Variants in LRRK1 observed in about 807,000 individuals in gnomAD.
LRRK1 encodes leucine rich repeat kinase 1, also known as leucine-rich repeat serine/threonine-protein kinase 1.
In LRRK1, 113 loss-of-function variants were observed where a neutral mutation model predicts 209.1. That is an observed-to-expected ratio of 0.54 (90% CI 0.46 to 0.63). The LOEUF (loss-of-function observed/expected upper bound fraction) is 0.63, where lower values mean the gene tolerates loss of function less well. Ranked by LOEUF, LRRK1 falls within the 30% of genes least tolerant of loss-of-function variation. LRRK1 has a pLI of 0.00. For synonymous variants in LRRK1, 1,144 were observed against 1,099.7 expected (o/e 1.04, Z -0.80); for missense variants, 2,284 against 2,632.2 (o/e 0.87, Z 2.89).
At chr15:101,028,043 G>T (rs537819619) in intron 19 of LRRK1, among the ~76,000 whole-genome samples, 1 of 152,198 alleles carries the variant, frequency 6.6e-6, no homozygotes, top group Non-Finnish European at 1.5e-5. Flanking sequence ...ATGGACTGGC[G>T]CCTGCCCTCC....
rs144402310 is a variant in LRRK1 at position 101,026,910 on chromosome 15, G to T, written c.2406-351G>T. On this transcript the variant is annotated intron_variant, in intron 17 of 33. Coordinates refer to ENST00000388948, the MANE Select transcript of LRRK1 (RefSeq NM_024652.6). Reference sequence around the variant, plus strand: ...GCTTTGCCCTTGAGAAAGTCCCATGGGGTCTGTGATAAGAGGAGTCCTGGC... The same window carrying T: ...GCTTTGCCCTTGAGAAAGTCCCATGTGGTCTGTGATAAGAGGAGTCCTGGC... 5.3e-5 allele frequency among the ~76,000 whole-genome samples: 8 copies of T among 152,262 alleles called. No individual in the cohort carries two copies. The East Asian group carries it at 1.5e-3, about 29-fold the overall frequency.
chr15:101,053,335 C>G lies in LRRK1; in HGVS notation c.3969C>G (p.Ile1323Met). ...AGCACCCCTGCATCGTGGCGCTCAT[C>G]GGCATCAGCATCCACCCGCTCTGCT... Reference protein sequence around the residue: ...ALQHPCIVALIGISIHPLCFA... With the variant: ...ALQHPCIVALMGISIHPLCFA... The change falls in exon 26 of 34, where the codon ATC (isoleucine) becomes ATG (methionine). Residue 1323 changes from isoleucine (I) to methionine (M), a missense_variant. Transcript: ENST00000388948. 1 of 1,604,094 alleles carries G rather than the reference C, an allele frequency of 6.2e-7. No homozygotes were observed.
At chr15:100,988,466 A>T (rs1567217466) in intron 4 of LRRK1, 168 bp from the exon 5 acceptor site, 1 of 696,206 alleles carries the variant, frequency 1.4e-6, no homozygotes, top group African/African-American at 1.8e-5. Flanking sequence ...TGATGCTGCA[A>T]AGTACATGAT....
intron 2 of LRRK1, among the ~76,000 whole-genome samples, chr15:100,951,065 C>T (rs773402457): frequency 2.1e-4 from 32 of 152,260 alleles, no homozygotes; most frequent in Admixed American, 3.9e-4. Flanking sequence ...GTTGCGCCAC[C>T]GCACTCCAGC....
intron 9 of LRRK1, among the ~76,000 whole-genome samples, chr15:101,011,700 G>A (rs1259287850): frequency 6.6e-6 from 1 of 152,110 alleles, no homozygotes; most frequent in Non-Finnish European, 1.5e-5. Context: ...GGGGAAACCA[G>A]CTTCTCTCTC....
Position 101,065,717 on chromosome 15 carries a change from C to G in LRRK1, c.5280C>G (p.Ser1760=), listed in dbSNP as rs199530216. The G allele has an allele frequency of 4.3e-5, 70 of 1,614,134 alleles. No homozygotes were observed. The African/African-American group carries it at 8.1e-4, about 19-fold the overall frequency. ...VVWCLDDKAN[S]LVMYHSTTYQ... is the part of the protein sequence containing the mutation. ...GGTGCCTGGATGACAAGGCCAACTC[C>G]TTGGTGATGTACCACTCCACCACCT... The change falls in exon 32 of 34, where the codon TCC becomes TCG. Residue 1760 remains serine (S), a synonymous_variant. Coordinates refer to ENST00000388948, the MANE Select transcript of LRRK1 (RefSeq NM_024652.6).
At chr15:101,061,000 T>A (rs2036142030) in intron 29 of LRRK1, among the ~76,000 whole-genome samples, 171 bp from the exon 30 acceptor site, 1 of 152,120 alleles carries the variant, frequency 6.6e-6, no homozygotes, top group Non-Finnish European at 1.5e-5. Context: ...CGGGCGACGG[T>A]CAAGCATTAC....
chr15:101,026,995 G>A (rs2034061052), intron 17 of LRRK1, among the ~76,000 whole-genome samples: 1 of 152,128 alleles, frequency 6.6e-6, no homozygotes, highest in Admixed American at 6.5e-5. Context: ...CTGTACCCTT[G>A]GGGGTCTCGG....
chr15:100,919,524 C>T lies in LRRK1; in HGVS notation c.-123+73C>T, dbSNP rs1472650638. 3 of 147,006 alleles carry T rather than the reference C, an allele frequency of 2.0e-5. No homozygotes were observed. The highest frequency in any genetic ancestry group is 7.3e-5 in the African/African-American group (3 of 40,886). The allele number at this position is 147,006 out of a possible 1,614,324, so 9.1% of individuals were successfully genotyped here. The stretch of plus-strand genomic sequence containing the variant: ...GGCCCCGCCCGGGGAACCCAGAGCC[C>T]GCGCCCGGCGCCCGCGGGGAGCCTC... On this transcript the variant is annotated intron_variant, in intron 1 of 33. Transcript: ENST00000388948. The surrounding 1 kb of genome is among the most constrained non-coding windows in gnomAD (Gnocchi z 5.8).
At chr15:101,023,569 G>C (rs1238824614) in intron 15 of LRRK1, among the ~76,000 whole-genome samples, 1 of 152,146 alleles carries the variant, frequency 6.6e-6, no homozygotes, top group East Asian at 1.9e-4. Context: ...GCCACCCTGT[G>C]ATTCCTCGGG....
At chr15:100,932,533 GC>G (rs1173880836) in intron 2 of LRRK1, among the ~76,000 whole-genome samples, 1 of 152,060 alleles carries the variant, frequency 6.6e-6, no homozygotes, top group Non-Finnish European at 1.5e-5. Flanking sequence ...TACTGCATAT[GC>G]CCCAGCAGAA....
At chr15:101,055,615 G>T (rs907907561) in intron 27 of LRRK1, among the ~76,000 whole-genome samples, 1 of 152,168 alleles carries the variant, frequency 6.6e-6, no homozygotes, top group African/African-American at 2.4e-5. Flanking sequence ...GAATAAGGAC[G>T]GTAAAGACCC....
chr15:101,033,277 T>C (rs1175231871), intron 20 of LRRK1, among the ~76,000 whole-genome samples: 1 of 152,210 alleles, frequency 6.6e-6, no homozygotes, highest in Non-Finnish European at 1.5e-5. Context: ...TATGTGTTGG[T>C]ATCATTTCAA....
rs2037015685 is a variant in LRRK1, at chr15:101,077,169, T to A, written c.*8321T>A. On this transcript the variant is annotated 3_prime_UTR_variant, in exon 34 of 34. Transcript: ENST00000388948. ...GAATTCAGGCCTGTCCTTGGAATGC[T>A]ACAAGGTACAGCCCATTTGAGCTCC... The A allele has an allele frequency of 6.6e-6, 1 of 152,258 alleles. No homozygotes were observed. Among genetic ancestry groups the A allele is most frequent in the African/African-American group, 2.4e-5 (1 of 41,474 alleles). The allele number at this position is 152,258 out of a possible 1,614,324, so 9.4% of individuals were successfully genotyped here.
chr15:100,933,355 A>G (rs2042243061), intron 2 of LRRK1, among the ~76,000 whole-genome samples: 1 of 152,154 alleles, frequency 6.6e-6, no homozygotes, highest in Non-Finnish European at 1.5e-5. Context: ...GGGTGGGCCA[A>G]GCATGTATCC....
At chr15:101,045,862 C>A in intron 20 of LRRK1, 119 bp from the exon 21 acceptor site, 1 of 798,222 alleles carries the variant, frequency 1.3e-6, no homozygotes, top group Non-Finnish European at 2.1e-6. Context: ...GAGGAAGGAA[C>A]CCAGCAGCCT....
chr15:101,002,667 G>A (rs1361494571), intron 6 of LRRK1, among the ~76,000 whole-genome samples: 1 of 152,192 alleles, frequency 6.6e-6, no homozygotes, highest in East Asian at 1.9e-4. Flanking sequence ...TAAATAATGA[G>A]GGCTAATGAG....
chr15:101,052,799 A>G (rs1246606745), intron 24 of LRRK1, 123 bp from the exon 25 acceptor site: 5 of 1,222,846 alleles, frequency 4.1e-6, no homozygotes, highest in Non-Finnish European at 5.6e-6. Flanking sequence ...GGTGGCCCAG[A>G]TCTGTCCAGC....
Position 101,027,373 on chromosome 15 carries a change from G to T in LRRK1, c.2518G>T (p.Gly840Trp). 6.2e-7 allele frequency: 1 copy of T among 1,613,534 alleles called. No homozygotes were observed. Among genetic ancestry groups the T allele is most frequent in the Non-Finnish European group, 8.5e-7 (1 of 1,179,986 alleles). The part of the protein sequence containing the change: ...GSTIGCQRLA[G>W]RLIPRSYLSL... ...CACCATCGGCTGCCAGCGACTGGCAGGGCGGCTGGTGGGTACCTTGCTGGT... is the reference window on the plus strand; with the variant it reads ...CACCATCGGCTGCCAGCGACTGGCATGGCGGCTGGTGGGTACCTTGCTGGT... Residue 840 changes from glycine (G) to tryptophan (W), a missense_variant, in exon 18 of 34, where the codon GGG becomes TGG. This residue lies in a region of LRRK1 where 780 missense variants were observed against 985.2 expected (regional missense o/e 0.79). Coordinates refer to ENST00000388948, the MANE Select transcript of LRRK1 (RefSeq NM_024652.6). This position sits in a 1 kb window ranked among gnomAD's most constrained non-coding sequence, Gnocchi z 5.1.
Sources: allele counts gnomAD v4.1 joint callset (sites outside exome capture counted in the v4.1 genomes callset), GRCh38; gene constraint gnomAD v4.1.1; regional missense constraint gnomAD v4.1.1; non-coding constraint Gnocchi (gnomAD v3.1); transcripts MANE v1.5; gene names NCBI Gene and HGNC (gene_info 2026-07-23, HGNC 2026-07-21).